The following CSGALNACT1 variants were observed in gnomAD, a reference collection of about 807,000 sequenced individuals.
The protein encoded by CSGALNACT1 is chondroitin sulfate N-acetylgalactosaminyltransferase 1, also known as beta4GalNAcT-1.
In CSGALNACT1, 52 loss-of-function variants were observed where a neutral mutation model predicts 51.0. That is an observed-to-expected ratio of 1.02 (90% CI 0.82 to 1.29). CSGALNACT1 has a LOEUF of 1.29. Ranked by LOEUF, CSGALNACT1 falls within the 50% of genes most tolerant of loss-of-function variation. The pLI, the probability that CSGALNACT1 is intolerant of heterozygous loss-of-function variation, is 0.00. For synonymous variants in CSGALNACT1, 341 were observed against 254.4 expected, an observed-to-expected ratio of 1.34 and a Z score of -3.24; for missense variants, 935 against 679.2, an observed-to-expected ratio of 1.38 and a Z score of -4.19.
chr8:19,637,634 A>G (rs773341720), intron 1 of CSGALNACT1, among the ~76,000 whole-genome samples: 10 of 152,244 alleles, frequency 6.6e-5, no homozygotes, highest in African/African-American at 1.4e-4. Flanking sequence ...AATGCAGCAC[A>G]TCTAGTAAGG....
At chr8:19,631,277 A>C (rs2046073608) in intron 1 of CSGALNACT1, among the ~76,000 whole-genome samples, 2 of 152,090 alleles carry the variant, frequency 1.3e-5, no homozygotes, top group Non-Finnish European at 2.9e-5. Context: ...AAAAACTGCC[A>C]AACTGTCTTC....
chr8:19,613,598 C>T (rs1235860432), intron 1 of CSGALNACT1, among the ~76,000 whole-genome samples: 1 of 152,218 alleles, frequency 6.6e-6, no homozygotes, highest in Non-Finnish European at 1.5e-5. Flanking sequence ...ATAACCAAGT[C>T]AACCATTTTT....
chr8:19,404,420 A>C (rs2053755914), exon 10 of CSGALNACT1: 3 of 453,404 alleles, frequency 6.6e-6, no homozygotes, highest in South Asian at 3.1e-5. Flanking sequence ...ACTCTATGTT[A>C]ACTGTATTTA....
intron 1 of CSGALNACT1, among the ~76,000 whole-genome samples, chr8:19,643,840 G>C (rs973252446): frequency 2.0e-5 from 3 of 152,220 alleles, no homozygotes; most frequent in African/African-American, 7.2e-5. Flanking sequence ...GGCTGCAGTG[G>C]AAATTGGCTC....
At chr8:19,424,579 A>T (rs1034766288) in intron 6 of CSGALNACT1, among the ~76,000 whole-genome samples, 6 of 152,182 alleles carry the variant, frequency 3.9e-5, no homozygotes, top group Admixed American at 1.3e-4. Context: ...TCTGAAACTT[A>T]CCAGTACTGG....
intron 1 of CSGALNACT1, chr8:19,678,859 G>A (rs536020036): frequency 1.8e-4 from 27 of 152,234 alleles, no homozygotes; most frequent in African/African-American, 6.5e-4. Flanking sequence ...AGACCAGGAA[G>A]CCCTCATTAT....
chr8:19,419,125 C>T (rs1490044092), intron 7 of CSGALNACT1, among the ~76,000 whole-genome samples: 1 of 152,174 alleles, frequency 6.6e-6, no homozygotes, highest in Non-Finnish European at 1.5e-5. Flanking sequence ...GGATTACAGG[C>T]ATGAGCCACT....
chr8:19,508,884 T>C (rs2077894065), intron 3 of CSGALNACT1, among the ~76,000 whole-genome samples: 1 of 152,240 alleles, frequency 6.6e-6, no homozygotes, highest in Non-Finnish European at 1.5e-5. Context: ...TGGAATATCT[T>C]TTTGTTCTGT....
At chr8:19,416,186 C>T (rs1489538317) in intron 8 of CSGALNACT1, among the ~76,000 whole-genome samples, 1 of 148,680 alleles carries the variant, frequency 6.7e-6, no homozygotes, top group Non-Finnish European at 1.5e-5. Flanking sequence ...ACGATCTCGG[C>T]TCACTGCAAC....
intron 1 of CSGALNACT1, among the ~76,000 whole-genome samples, chr8:19,754,714 A>T (rs2065248485): frequency 6.6e-6 from 1 of 152,230 alleles, no homozygotes. Context: ...CTAATAAAGT[A>T]TTCCATGTCG....
chr8:19,665,311 T>C (rs1717234548), intron 1 of CSGALNACT1, among the ~76,000 whole-genome samples: 1 of 152,218 alleles, frequency 6.6e-6, no homozygotes, highest in Non-Finnish European at 1.5e-5. Flanking sequence ...ACAAACTTCT[T>C]TGTAGAAGTA....
In CSGALNACT1 at chr8:19,658,459, C is replaced by A. The variant is rs1413304618; in HGVS notation, c.-544+24014G>T. Among the ~76,000 whole-genome samples the A allele has an allele frequency of 3.3e-5, 5 of 152,188 alleles. No homozygotes were observed. The South Asian group carries it at 1.0e-3, about 31-fold the overall frequency. ...CTCAAAAACCAAACAAGAGGCCGGG[C>A]ATGGTGGTTCATGCCTGTAATCCCA... is the stretch of plus-strand genomic sequence containing the variant. On this transcript the variant is annotated intron_variant, in intron 1 of 9. Transcript: ENST00000332246.
chr8:19,563,880 C>T (rs183658890), intron 3 of CSGALNACT1, among the ~76,000 whole-genome samples: 1 of 152,124 alleles, frequency 6.6e-6, no homozygotes, highest in Admixed American at 6.6e-5. Context: ...CAGGCATGTC[C>T]TCCCCAACCC....
rs534565431 is a variant in CSGALNACT1, at chr8:19,463,130, G to T, written c.635-4488C>A. Among the ~76,000 whole-genome samples, 21 of 146,974 alleles carry T rather than the reference G, an allele frequency of 1.4e-4. No homozygotes were observed. In the East Asian group the frequency reaches 4.1e-3, roughly 29 times the overall value. ...AATAACGGCCTCCAGCTGCATTCCT[G>T]TTACTCCAAAGAACATGATTTCATT... On this transcript the variant is annotated intron_variant, in intron 4 of 9. Coordinates refer to ENST00000454498, the Ensembl canonical transcript of CSGALNACT1.
chr8:19,707,147 G>A (rs543604471), intron 1 of CSGALNACT1, among the ~76,000 whole-genome samples: 26 of 152,072 alleles, frequency 1.7e-4, no homozygotes, highest in South Asian at 1.7e-3. Context: ...TAGCTCAAGA[G>A]AAAAGTAGCA....
At chr8:19,720,414 A>G (rs1459295673) in intron 1 of CSGALNACT1, among the ~76,000 whole-genome samples, 1 of 152,210 alleles carries the variant, frequency 6.6e-6, no homozygotes, top group Non-Finnish European at 1.5e-5. Context: ...TGGGGTGCTC[A>G]AAAGAGTTCA....
intron 1 of CSGALNACT1, among the ~76,000 whole-genome samples, chr8:19,655,347 C>T (rs1469858214): frequency 6.6e-6 from 1 of 152,016 alleles, no homozygotes; most frequent in East Asian, 1.9e-4. Context: ...GATGCACCTT[C>T]CTATTTGCTA....
At chr8:19,641,152 T>A (rs977377481) in intron 1 of CSGALNACT1, among the ~76,000 whole-genome samples, 17 of 126,352 alleles carry the variant, frequency 1.3e-4, no homozygotes, top group Admixed American at 1.2e-3. Flanking sequence ...TTTTTTTTTT[T>A]TTTAAACCAA....
intron 1 of CSGALNACT1, among the ~76,000 whole-genome samples, chr8:19,637,474 T>G (rs562690937): frequency 1.3e-5 from 2 of 152,338 alleles, no homozygotes; most frequent in Non-Finnish European, 2.9e-5. Flanking sequence ...TAATTTTCCC[T>G]TCTGTTAGGT....
Sources: allele counts gnomAD v4.1 joint callset (sites outside exome capture counted in the v4.1 genomes callset), GRCh38; gene constraint gnomAD v4.1.1; transcripts MANE v1.5; gene names NCBI Gene and HGNC (gene_info 2026-07-23, HGNC 2026-07-21).